TPD52: variants seen among roughly 807,000 people sequenced by gnomAD.
TPD52 encodes tumor protein D52.
Under a neutral mutation model 31.3 loss-of-function variants are expected in TPD52, and 17 were observed. That is an observed-to-expected ratio of 0.54 (90% CI 0.37 to 0.82). The LOEUF (loss-of-function observed/expected upper bound fraction) is 0.82. Among genes scored for constraint, TPD52 ranks in the 40% least tolerant of loss-of-function variants. The pLI, the probability that TPD52 is intolerant of heterozygous loss-of-function variation, is 0.00. For synonymous variants in TPD52, 83 were observed against 89.6 expected (o/e 0.93, Z 0.42); for missense variants, 212 against 240.1 (o/e 0.88, Z 0.77).
intron 6 of TPD52, among the ~76,000 whole-genome samples, chr8:80,043,787 A>C (rs1340534337): frequency 1.3e-5 from 2 of 152,226 alleles, no homozygotes; most frequent in Non-Finnish European, 2.9e-5. Flanking sequence ...CAAATGTCAC[A>C]GTGGGATGGG....
intron 1 of TPD52, among the ~76,000 whole-genome samples, chr8:80,076,854 T>G (rs2130797707): frequency 6.6e-6 from 1 of 152,184 alleles, no homozygotes; most frequent in East Asian, 1.9e-4. Context: ...TTACTTTTGG[T>G]AGAGATGGGG....
At chr8:80,069,772 A>C (rs1813564960) in intron 1 of TPD52, among the ~76,000 whole-genome samples, 1 of 152,248 alleles carries the variant, frequency 6.6e-6, no homozygotes, top group Non-Finnish European at 1.5e-5. Flanking sequence ...GATTTGATGA[A>C]ATACAACACT....
intron 1 of TPD52, among the ~76,000 whole-genome samples, chr8:80,121,918 C>T (rs1808285224): frequency 6.6e-6 from 1 of 150,544 alleles, no homozygotes; most frequent in African/African-American, 2.5e-5. Context: ...AAGGGTTTTT[C>T]AAAAATTATA....
downstream of TPD52, among the ~76,000 whole-genome samples, chr8:80,034,437 C>T (rs1338896604): frequency 6.6e-6 from 1 of 152,198 alleles, no homozygotes; most frequent in African/African-American, 2.4e-5. Context: ...CCATGCTTCC[C>T]TTGCTGCAGC....
chr8:80,113,275 AAAAAAAAC>A (rs1301290426), intron 1 of TPD52, among the ~76,000 whole-genome samples: 2 of 133,056 alleles, frequency 1.5e-5, no homozygotes, highest in Non-Finnish European at 3.4e-5. Context: ...AAAGAAAAAA[AAAAAAAAC>A]AAGTGCTGGC....
intron 1 of TPD52, among the ~76,000 whole-genome samples, chr8:80,077,601 T>C (rs1274701819): frequency 6.6e-6 from 1 of 152,208 alleles, no homozygotes; most frequent in Non-Finnish European, 1.5e-5. Flanking sequence ...ACCAAACCAC[T>C]AGCTTAAGAA....
At chr8:80,114,697 C>T (rs1807738045) in intron 1 of TPD52, among the ~76,000 whole-genome samples, 1 of 150,092 alleles carries the variant, frequency 6.7e-6, no homozygotes, top group African/African-American at 2.5e-5. Flanking sequence ...TTACTTCCTG[C>T]TTTCCTGCCC....
chr8:80,139,217 A>C (rs1809645687), intron 1 of TPD52, among the ~76,000 whole-genome samples: 1 of 152,234 alleles, frequency 6.6e-6, no homozygotes, highest in African/African-American at 2.4e-5. Flanking sequence ...TTACAGTAAC[A>C]ATTAGGACAG....
chr8:80,047,698 C>T (rs1236836281), intron 5 of TPD52, among the ~76,000 whole-genome samples: 6 of 152,138 alleles, frequency 3.9e-5, no homozygotes, highest in Non-Finnish European at 2.9e-5. Context: ...AAAAGATATT[C>T]TTTTTCTGAC....
At chr8:80,089,913 G>A (rs930650707) in intron 1 of TPD52, among the ~76,000 whole-genome samples, 2 of 152,158 alleles carry the variant, frequency 1.3e-5, no homozygotes, top group Admixed American at 1.3e-4. Context: ...AATGTCACAG[G>A]AATCAAGGGA....
chr8:80,155,369 G>A lies in TPD52; in HGVS notation c.19+16056C>T, dbSNP rs2131221933. Among the ~76,000 whole-genome samples the A allele has an allele frequency of 2.6e-5, 4 of 152,268 alleles. No homozygotes were observed. In the South Asian group the frequency reaches 8.3e-4, roughly 32 times the overall value. On this transcript the variant is annotated intron_variant, in intron 1 of 7. Coordinates refer to ENST00000518937, the MANE Select transcript of TPD52 (RefSeq NM_001025253.3). ...AGCAAGGAAAGAAATTTACGAAGAA[G>A]ATTCAGCAAGTGCAACAATGCAGAG... is the stretch of plus-strand genomic sequence containing the variant.
intron 2 of TPD52, among the ~76,000 whole-genome samples, chr8:80,060,989 T>C (rs1380345763): frequency 6.6e-6 from 1 of 152,072 alleles, no homozygotes; most frequent in Non-Finnish European, 1.5e-5. Context: ...AAAAATAAAT[T>C]AAAGGCATTC....
intron 1 of TPD52, among the ~76,000 whole-genome samples, chr8:80,097,786 T>C (rs1268229303): frequency 1.3e-5 from 2 of 152,202 alleles, no homozygotes; most frequent in East Asian, 3.8e-4. Flanking sequence ...CAACAGATTG[T>C]CTATGTAAAT....
chr8:80,102,908 A>AAAC (rs202188675), intron 1 of TPD52, among the ~76,000 whole-genome samples: 4 of 152,204 alleles, frequency 2.6e-5, no homozygotes, highest in African/African-American at 9.6e-5. Context: ...TTCCACAAAC[A>AAAC]AACAACAACA....
intron 1 of TPD52, among the ~76,000 whole-genome samples, chr8:80,165,376 T>C (rs887045362): frequency 1.3e-5 from 2 of 152,238 alleles, no homozygotes; most frequent in South Asian, 2.1e-4. Flanking sequence ...ATGGAATGAC[T>C]TGCATACACA....
At chr8:80,142,888 A>C (rs1009126056) in intron 1 of TPD52, among the ~76,000 whole-genome samples, 1 of 152,194 alleles carries the variant, frequency 6.6e-6, no homozygotes, top group Non-Finnish European at 1.5e-5. Flanking sequence ...TCGCACACAC[A>C]TTCATGTATT....
intron 2 of TPD52, among the ~76,000 whole-genome samples, chr8:80,055,378 T>C (rs886758097): frequency 8.5e-5 from 13 of 152,198 alleles, no homozygotes; most frequent in African/African-American, 3.1e-4. Context: ...ATAAAGAGCA[T>C]GATTAAGAAT....
chr8:80,124,063 C>T (rs904869897), intron 1 of TPD52, among the ~76,000 whole-genome samples: 1 of 152,106 alleles, frequency 6.6e-6, no homozygotes, highest in Non-Finnish European at 1.5e-5. Context: ...GAACACATCC[C>T]TCTTTGGAGA....
chr8:80,074,507 G>C (rs749690901), intron 1 of TPD52, among the ~76,000 whole-genome samples: 1 of 152,174 alleles, frequency 6.6e-6, no homozygotes, highest in Non-Finnish European at 1.5e-5. Context: ...TCTCAGGCAC[G>C]GCACCACGGG....
Sources: allele counts gnomAD v4.1 joint callset (sites outside exome capture counted in the v4.1 genomes callset), GRCh38; gene constraint gnomAD v4.1.1; transcripts MANE v1.5; gene names NCBI Gene and HGNC (gene_info 2026-07-23, HGNC 2026-07-21).